The following MYO3A variants were observed in gnomAD, a reference collection of about 807,000 sequenced individuals.
MYO3A encodes myosin-IIIa.
MYO3A carries 180 observed loss-of-function variants against 192.7 expected under a neutral mutation model. The observed-to-expected ratio is 0.93, with a 90% confidence interval of 0.83 to 1.06. The LOEUF is 1.06. Ranked by LOEUF, MYO3A falls within the 50% of genes least tolerant of loss-of-function variation. The pLI, the probability that MYO3A is intolerant of heterozygous loss-of-function variation, is 0.00. For synonymous variants in MYO3A, 628 were observed against 645.3 expected (o/e 0.97, Z 0.41); for missense variants, 1,896 against 1,905.0 (o/e 1.00, Z 0.09).
chr10:25,997,873 AC>A (rs1246572342), intron 6 of MYO3A, among the ~76,000 whole-genome samples: 1 of 152,086 alleles, frequency 6.6e-6, no homozygotes, highest in Non-Finnish European at 1.5e-5. Flanking sequence ...TTTGGAGCCT[AC>A]CTTATCTCTG....
intron 4 of MYO3A, among the ~76,000 whole-genome samples, chr10:25,959,852 G>C (rs1303445969): frequency 1.3e-5 from 2 of 151,478 alleles, no homozygotes; most frequent in Non-Finnish European, 1.5e-5. Context: ...GCTCAGGCAG[G>C]CTTCTGAATG....
chr10:26,047,559 G>C lies in MYO3A; in HGVS notation c.954-19416G>C, dbSNP rs1294708934. On this transcript the variant is annotated intron_variant, in intron 10 of 34. Coordinates refer to ENST00000642920, the MANE Select transcript of MYO3A (RefSeq NM_017433.5). ...GAGGCCGAGGCAGGTGGATCACGAG[G>C]TCAGGAGATCAAGACCATCCTGGCT... 5.9e-5 allele frequency among the ~76,000 whole-genome samples: 9 copies of C among 152,226 alleles called. No individual in the cohort carries two copies. In the East Asian group the frequency reaches 1.7e-3, roughly 29 times the overall value.
chr10:26,101,551 C>T (rs1250740419), intron 17 of MYO3A, among the ~76,000 whole-genome samples: 5 of 152,102 alleles, frequency 3.3e-5, no homozygotes, highest in South Asian at 2.1e-4. Context: ...TTCCTTTCCA[C>T]GTTTAGTGCT....
Position 26,096,700 on chromosome 10 carries a change from T to C in MYO3A, c.1776+18T>C, listed in dbSNP as rs755091225. 6.8e-7 allele frequency: 1 copy of C among 1,469,660 alleles called. No individual in the cohort carries two copies. The allele number at this position is 1,469,660 out of a possible 1,614,324, so 91.0% of individuals were successfully genotyped here. ...CAATGGAGGTAAGTATGAAAGACAC[T>C]TGAACTTCTTTAGAAAGTATCTTTT... is the stretch of plus-strand genomic sequence containing the variant. On this transcript the variant is annotated intron_variant, in intron 17 of 34. Transcript: ENST00000642920.
chr10:26,064,730 T>A (rs1834707135), intron 10 of MYO3A, among the ~76,000 whole-genome samples: 1 of 152,072 alleles, frequency 6.6e-6, no homozygotes, highest in South Asian at 2.1e-4. Context: ...GGAATTTGTA[T>A]ACAGATTGCA....
intron 17 of MYO3A, among the ~76,000 whole-genome samples, chr10:26,116,450 C>T (rs1374500518): frequency 2.0e-5 from 3 of 152,126 alleles, no homozygotes; most frequent in Non-Finnish European, 4.4e-5. Context: ...TCCAGTATGA[C>T]CTTATCTTAA....
At chr10:26,096,537 A>T (rs770348461) in intron 16 of MYO3A, 31 bp from the exon 17 acceptor site, 2 of 1,595,772 alleles carry the variant, frequency 1.3e-6, no homozygotes, top group South Asian at 2.2e-5. Flanking sequence ...TTAATTTTAG[A>T]CTTTTATCCT....
At chr10:25,937,744 G>A (rs1011615351) in intron 2 of MYO3A, among the ~76,000 whole-genome samples, 3 of 152,114 alleles carry the variant, frequency 2.0e-5, no homozygotes, top group Non-Finnish European at 4.4e-5. Flanking sequence ...GGTGGAGAAC[G>A]GAATACAAAT....
At chr10:26,204,522 T>C (rs544613825) in intron 34 of MYO3A, 1 of 152,378 alleles carries the variant, frequency 6.6e-6, no homozygotes, top group East Asian at 1.9e-4. Context: ...GCCTACATTG[T>C]GCTAGGCACT....
chr10:26,106,016 C>G (rs1163601293), intron 17 of MYO3A, among the ~76,000 whole-genome samples: 2 of 151,976 alleles, frequency 1.3e-5, no homozygotes, highest in African/African-American at 4.8e-5. Context: ...ATTCTGTTGT[C>G]TTGATTACAG....
At position 25,938,074 on chromosome 10, in the gene MYO3A, T is replaced by C. The variant is rs142640948; in HGVS notation, c.-18+2244T>C. Among the ~76,000 whole-genome samples, 115 of 152,348 alleles carry C rather than the reference T, an allele frequency of 7.5e-4. 1 individual carries two copies. The highest frequency in any genetic ancestry group is 3.4e-3 in the Middle Eastern group (1 of 294). The stretch of plus-strand genomic sequence containing the variant: ...GTTTTACAGGGCAAATTTAATTTTT[T>C]GTAGGTTTCTTTGAACCAGGAGGGC... On this transcript the variant is annotated intron_variant, in intron 2 of 34. Coordinates refer to ENST00000642920, the MANE Select transcript of MYO3A (RefSeq NM_017433.5).
chr10:26,157,634 A>C, intron 26 of MYO3A, 119 bp downstream of exon 26: 1 of 1,057,580 alleles, frequency 9.5e-7, no homozygotes, highest in South Asian at 1.4e-5. Flanking sequence ...CATTTTGTTC[A>C]TGCAAATGAT....
At chr10:26,183,456 GA>G (rs1376028917) in intron 31 of MYO3A, among the ~76,000 whole-genome samples, 4 of 152,186 alleles carry the variant, frequency 2.6e-5, no homozygotes, top group African/African-American at 9.6e-5. Flanking sequence ...CCGGGAGGCG[GA>G]GCTTGCAGTG....
At chr10:25,974,758 A>G (rs1363115463) in intron 4 of MYO3A, among the ~76,000 whole-genome samples, 2 of 152,160 alleles carry the variant, frequency 1.3e-5, no homozygotes, top group Non-Finnish European at 2.9e-5. Flanking sequence ...TTATTTTTCC[A>G]ATTTTTAGTA....
chr10:26,080,032 G>A (rs184739782), intron 14 of MYO3A, among the ~76,000 whole-genome samples: 21 of 152,156 alleles, frequency 1.4e-4, no homozygotes, highest in African/African-American at 3.1e-4. Flanking sequence ...TGAATTTCCC[G>A]GGTATTCTTT....
chr10:26,007,999 T>C (rs1450338290), intron 6 of MYO3A, among the ~76,000 whole-genome samples: 1 of 151,490 alleles, frequency 6.6e-6, no homozygotes, highest in Non-Finnish European at 1.5e-5. Flanking sequence ...AAGGCTACAG[T>C]AACGAAAACA....
intron 31 of MYO3A, among the ~76,000 whole-genome samples, chr10:26,179,576 T>A (rs1842513689): frequency 6.6e-6 from 1 of 152,196 alleles, no homozygotes; most frequent in Admixed American, 6.5e-5. Context: ...AAGAACCCAT[T>A]GACATTGTCA....
At chr10:26,090,491 C>A (rs188090860) in intron 15 of MYO3A, among the ~76,000 whole-genome samples, 25 of 152,306 alleles carry the variant, frequency 1.6e-4, no homozygotes, top group African/African-American at 6.0e-4. Context: ...GAAAAGCATT[C>A]CAAATTCCAA....
In MYO3A at chr10:25,951,566, G is replaced by T. The variant is rs188878317; in HGVS notation, c.-17-528G>T. ...TCATAGTATATGAGAGAAGAGGCTG[G>T]AACATTAAGCAAAGGCCATATTTTA... is the stretch of plus-strand genomic sequence containing the variant. On this transcript the variant is annotated intron_variant, in intron 2 of 34. Coordinates refer to ENST00000642920, the MANE Select transcript of MYO3A (RefSeq NM_017433.5). 7.9e-5 allele frequency among the ~76,000 whole-genome samples: 12 copies of T among 152,240 alleles called. No homozygotes were observed. The East Asian group carries it at 1.9e-3, about 25-fold the overall frequency.
Sources: allele counts gnomAD v4.1 joint callset (sites outside exome capture counted in the v4.1 genomes callset), GRCh38; gene constraint gnomAD v4.1.1; transcripts MANE v1.5; gene names NCBI Gene and HGNC (gene_info 2026-07-23, HGNC 2026-07-21).